The following ANK1 variants were observed in gnomAD, a reference collection of about 807,000 sequenced individuals.
The protein encoded by ANK1 is ankyrin-1.
A neutral mutation model predicts 210.4 loss-of-function variants in ANK1; 51 were observed. The ratio of observed to expected loss-of-function variants is 0.24; its 90% CI spans 0.19 to 0.31. ANK1 has a LOEUF of 0.31. ANK1 is among the 10% of genes least tolerant of loss of function. The probability of loss-of-function intolerance (pLI) is 1.00; values close to 1 mark genes in which losing one functional copy is unlikely to be tolerated. For synonymous variants in ANK1, 967 were observed against 1,025.9 expected, an observed-to-expected ratio of 0.94 and a Z score of 1.10; for missense variants, 2,051 against 2,504.4, an observed-to-expected ratio of 0.82 and a Z score of 3.86.
intron 1 of ANK1, among the ~76,000 whole-genome samples, chr8:41,850,177 G>A (rs951818405): frequency 1.3e-5 from 2 of 152,156 alleles, no homozygotes; most frequent in African/African-American, 4.8e-5. Flanking sequence ...AGGCTTGGTG[G>A]GGGTCCCGGC....
chr8:41,743,302 G>A (rs1179026654), intron 2 of ANK1, among the ~76,000 whole-genome samples: 1 of 152,182 alleles, frequency 6.6e-6, no homozygotes, highest in East Asian at 1.9e-4. Flanking sequence ...AGCCACAGGA[G>A]GCAGAGCAGA....
intron 1 of ANK1, among the ~76,000 whole-genome samples, chr8:41,776,936 C>T (rs1402158276): frequency 6.6e-6 from 1 of 152,208 alleles, no homozygotes; most frequent in Non-Finnish European, 1.5e-5. Context: ...GCAGGTGTCA[C>T]ACATAATACT....
At chr8:41,858,807 C>G (rs1041456459) in intron 1 of ANK1, among the ~76,000 whole-genome samples, 10 of 152,244 alleles carry the variant, frequency 6.6e-5, no homozygotes, top group African/African-American at 2.4e-4. Flanking sequence ...ATGTAAAACA[C>G]CTGGTATCAG....
At chr8:41,661,986 CG>C in intron 40 of ANK1, 45 bp from the exon 41 acceptor site, 8 of 1,604,188 alleles carry the variant, frequency 5.0e-6, no homozygotes, top group Non-Finnish European at 5.1e-6. Flanking sequence ...AGGCCGGGCT[CG>C]GGGGCTCATG....
chr8:41,865,073 G>A (rs1287954248), intron 1 of ANK1, among the ~76,000 whole-genome samples: 1 of 152,210 alleles, frequency 6.6e-6, no homozygotes, highest in African/African-American at 2.4e-5. Context: ...GGGTCTGCGA[G>A]CATCCAGTGT....
chr8:41,687,187 A>T (rs1817917932), intron 35 of ANK1, among the ~76,000 whole-genome samples: 2 of 152,234 alleles, frequency 1.3e-5, no homozygotes, highest in Non-Finnish European at 2.9e-5. Flanking sequence ...CTAACAAAAA[A>T]TAAGGAGGGG....
intron 1 of ANK1, among the ~76,000 whole-genome samples, chr8:41,787,387 T>C (rs532092778): frequency 1.9e-4 from 29 of 152,320 alleles, no homozygotes; most frequent in African/African-American, 6.7e-4. Context: ...ATTCACACAG[T>C]CCTAGGTCAG....
At position 41,765,486 on chromosome 8, in the gene ANK1, A is replaced by G. The variant is rs1035708052; in HGVS notation, c.28-7349T>C. Among the ~76,000 whole-genome samples, 60 of 152,144 alleles carry G rather than the reference A, an allele frequency of 3.9e-4. 1 individual carries two copies. The highest frequency in any genetic ancestry group is 2.3e-3 in the South Asian group (11 of 4,816). ...GGTCTTGAACTCCTGGCCTCAAGCA[A>G]TCTTCCCACCTCCACCTCCCAAAAT... On this transcript the variant is annotated intron_variant, in intron 1 of 42. Coordinates refer to ENST00000289734, the MANE Select transcript of ANK1 (RefSeq NM_000037.4).
rs116003898 is a variant in ANK1, at chr8:41,721,608, G to A, written c.909+1517C>T. 8.0e-3 allele frequency among the ~76,000 whole-genome samples: 1,122 copies of A among 140,834 alleles called. 17 individuals carry two copies. Among genetic ancestry groups the A allele is most frequent in the African/African-American group, 0.029 (1,086 of 37,076 alleles). The allele number at this position is 140,834 out of a possible 152,430, so 92.4% of individuals were successfully genotyped here. ...TGAGGCGGAGGTTGCAGTGAGTAGA[G>A]ATCACACTGCTGCACTCCAGCCTGG... On this transcript the variant is annotated intron_variant, in intron 9 of 42. Coordinates refer to ENST00000289734, the MANE Select transcript of ANK1 (RefSeq NM_000037.4).
chr8:41,760,269 G>A (rs1342865300), intron 1 of ANK1, among the ~76,000 whole-genome samples: 1 of 152,210 alleles, frequency 6.6e-6, no homozygotes, highest in African/African-American at 2.4e-5. Context: ...TCTGGTGGGA[G>A]GTACTTGAAT....
At chr8:41,729,421 C>T (rs1471665079) in intron 3 of ANK1, among the ~76,000 whole-genome samples, 14 of 152,182 alleles carry the variant, frequency 9.2e-5, no homozygotes, top group African/African-American at 4.8e-5. Context: ...TTGGAGGTCT[C>T]GCTCTAACAC....
At chr8:41,707,858 A>C (rs1289996653) in intron 17 of ANK1, among the ~76,000 whole-genome samples, 4 of 152,224 alleles carry the variant, frequency 2.6e-5, no homozygotes, top group African/African-American at 9.6e-5. Flanking sequence ...AAGAAATCTT[A>C]AGTTGCCCTG....
At chr8:41,716,040 T>C (rs1827585434) in intron 13 of ANK1, among the ~76,000 whole-genome samples, 191 bp from the exon 14 acceptor site, 1 of 152,210 alleles carries the variant, frequency 6.6e-6, no homozygotes, top group Non-Finnish European at 1.5e-5. Flanking sequence ...TGTATCCTAC[T>C]GAATCCTTAC....
intron 6 of ANK1, among the ~76,000 whole-genome samples, chr8:41,725,105 T>C (rs897513782): frequency 7.2e-5 from 11 of 152,338 alleles, no homozygotes; most frequent in Admixed American, 6.5e-4. Context: ...CAAACCATCC[T>C]CCTGCCTCAA....
At chr8:41,658,277 A>C (rs1806480375) in intron 42 of ANK1, among the ~76,000 whole-genome samples, 1 of 152,196 alleles carries the variant, frequency 6.6e-6, no homozygotes, top group South Asian at 2.1e-4. Flanking sequence ...AGGCTTAGGG[A>C]AGTCATTTGA....
At chr8:41,831,928 C>T (rs538092416) in intron 1 of ANK1, among the ~76,000 whole-genome samples, 3 of 152,076 alleles carry the variant, frequency 2.0e-5, no homozygotes, top group African/African-American at 4.8e-5. Flanking sequence ...GCAAGGCCTT[C>T]GGACTATATG....
At chr8:41,763,770 G>A (rs914385009) in intron 1 of ANK1, among the ~76,000 whole-genome samples, 3 of 151,900 alleles carry the variant, frequency 2.0e-5, no homozygotes, top group African/African-American at 7.3e-5. Context: ...TCTTGTCACT[G>A]AGGATAAAAT....
chr8:41,697,895 C>T (rs774373417), intron 24 of ANK1, 148 bp downstream of exon 24: 67 of 784,330 alleles, frequency 8.5e-5, no homozygotes, highest in South Asian at 2.0e-4. Context: ...CATTATGAGG[C>T]GTCCAAGCGT....
chr8:41,884,463 G>A lies in ANK1; in HGVS notation c.126+11892C>T, dbSNP rs115296840. 5.7e-3 allele frequency among the ~76,000 whole-genome samples: 870 copies of A among 152,312 alleles called. 5 individuals carry two copies. Among genetic ancestry groups the A allele is most frequent in the African/African-American group, 0.019 (805 of 41,578 alleles). ...GGATCTGGTCACCACTGCATCCAGC[G>A]TCCCTCAGGACAGGCACTTCTTCCA... On this transcript the variant is annotated intron_variant, in intron 1 of 42. Transcript: ENST00000265709.
Sources: gnomAD v4.1 joint callset for allele counts (sites outside exome capture counted in the v4.1 genomes callset) on GRCh38, gnomAD v4.1.1 for gene constraint, MANE v1.5 for transcripts, NCBI Gene and HGNC (gene_info 2026-07-23, HGNC 2026-07-21) for gene names.